RALGPS1: variants seen among roughly 807,000 people sequenced by gnomAD.
The protein encoded by RALGPS1 is Ral GEF with PH domain and SH3 binding motif 1.
RALGPS1 carries 19 observed loss-of-function variants against 78.8 expected under a neutral mutation model. The ratio of observed to expected loss-of-function variants is 0.24; its 90% CI spans 0.17 to 0.35. The LOEUF (loss-of-function observed/expected upper bound fraction) is 0.35, where lower values mean the gene tolerates loss of function less well. Among genes scored for constraint, RALGPS1 ranks in the 10% least tolerant of loss-of-function variants. RALGPS1 has a pLI of 1.00. For missense variants in RALGPS1, 454 were observed against 688.3 expected (o/e 0.66, Z 3.81); for synonymous variants, 228 against 256.3 (o/e 0.89, Z 1.06).
chr9:126,942,664 T>G (rs956128470), intron 1 of RALGPS1, among the ~76,000 whole-genome samples: 1 of 152,202 alleles, frequency 6.6e-6, no homozygotes, highest in Non-Finnish European at 1.5e-5. Context: ...GAAAATGTCT[T>G]AGCTGTTTTT....
chr9:127,188,327 T>A (rs1270052519), intron 11 of RALGPS1, among the ~76,000 whole-genome samples: 3 of 152,272 alleles, frequency 2.0e-5, no homozygotes, highest in Admixed American at 1.3e-4. Context: ...AAGAAGCTGA[T>A]GACCACATGG....
chr9:126,931,689 TTAGA>T (rs1410211407), intron 1 of RALGPS1, among the ~76,000 whole-genome samples: 2 of 152,156 alleles, frequency 1.3e-5, no homozygotes, highest in South Asian at 2.1e-4. Context: ...TGTTCTGGAA[TTAGA>T]TAGTGGCAGT....
chr9:127,147,290 G>A (rs2058147913), intron 8 of RALGPS1, among the ~76,000 whole-genome samples: 1 of 152,150 alleles, frequency 6.6e-6, no homozygotes, highest in African/African-American at 2.4e-5. Context: ...TTTGTCAGAT[G>A]CATAATTTGT....
chr9:126,968,874 C>G (rs1383504933), intron 3 of RALGPS1, among the ~76,000 whole-genome samples: 3 of 152,104 alleles, frequency 2.0e-5, no homozygotes, highest in Admixed American at 2.0e-4. Context: ...CATAGAGAAA[C>G]CAGGTCTCTA....
chr9:127,150,385 C>T (rs2058349052), intron 8 of RALGPS1, among the ~76,000 whole-genome samples: 1 of 152,204 alleles, frequency 6.6e-6, no homozygotes, highest in Non-Finnish European at 1.5e-5. Flanking sequence ...GACCAGTACC[C>T]ATTGCAGCCT....
In RALGPS1 at chr9:127,125,842, G is replaced by A. The variant is rs544360197; in HGVS notation, c.611-40227G>A. On this transcript the variant is annotated intron_variant, in intron 8 of 18. Coordinates refer to ENST00000259351, the MANE Select transcript of RALGPS1 (RefSeq NM_014636.3). The stretch of plus-strand genomic sequence containing the variant: ...TTTTTAAAATTTTATCAGTAAATGC[G>A]TGACATTTACATGGTGGTAGAATAC... Among the ~76,000 whole-genome samples, 123 of 152,196 alleles carry A rather than the reference G, an allele frequency of 8.1e-4. 1 individual carries two copies. Among genetic ancestry groups the A allele is most frequent in the African/African-American group, 2.7e-3 (114 of 41,514 alleles).
chr9:126,956,673 A>G (rs1392631061), intron 1 of RALGPS1, among the ~76,000 whole-genome samples: 1 of 152,156 alleles, frequency 6.6e-6, no homozygotes, highest in Non-Finnish European at 1.5e-5. Flanking sequence ...CCTGGAACCC[A>G]CTGCTGATGA....
intron 3 of RALGPS1, among the ~76,000 whole-genome samples, chr9:126,969,396 T>C (rs2039872569): frequency 6.6e-6 from 1 of 152,184 alleles, no homozygotes; most frequent in Non-Finnish European, 1.5e-5. Context: ...CTTGTGCCAC[T>C]GTACCTGGCT....
chr9:127,218,727 C>T lies in RALGPS1; in HGVS notation c.1645-13C>T, dbSNP rs766574464. Reference sequence around the variant, plus strand: ...GTCGGAACTTTAACAAGAGGCTGAGCTTTCTCTTCTAGGTACCTGCAAACC... The same window carrying T: ...GTCGGAACTTTAACAAGAGGCTGAGTTTTCTCTTCTAGGTACCTGCAAACC... On this transcript the variant is annotated splice_polypyrimidine_tract_variant and intron_variant, in intron 18 of 18. Transcript: ENST00000259351. The surrounding 1 kb of genome is among the most constrained non-coding windows in gnomAD (Gnocchi z 4.4). 6.8e-6 allele frequency: 11 copies of T among 1,613,734 alleles called. No homozygotes were observed. In the East Asian group the frequency reaches 2.5e-4, roughly 36 times the overall value.
intron 3 of RALGPS1, among the ~76,000 whole-genome samples, chr9:126,968,451 T>C (rs2039757984): frequency 1.3e-5 from 2 of 152,238 alleles, no homozygotes; most frequent in South Asian, 4.1e-4. Context: ...ATCTCCTAAT[T>C]ACCCATGTAA....
intron 8 of RALGPS1, among the ~76,000 whole-genome samples, chr9:127,127,453 G>C (rs2056701774): frequency 6.6e-6 from 1 of 152,186 alleles, no homozygotes; most frequent in Admixed American, 6.5e-5. Context: ...CCGTTCTGCT[G>C]TTGGTGCTCT....
At chr9:126,942,515 A>G (rs1458283878) in intron 1 of RALGPS1, among the ~76,000 whole-genome samples, 2 of 152,202 alleles carry the variant, frequency 1.3e-5, no homozygotes, top group African/African-American at 4.8e-5. Context: ...TCTTGGTTAT[A>G]TGCTACTCCT....
chr9:126,969,151 T>C (rs2039845704), intron 3 of RALGPS1, among the ~76,000 whole-genome samples: 2 of 152,242 alleles, frequency 1.3e-5, no homozygotes, highest in Non-Finnish European at 2.9e-5. Context: ...TAAAATATTA[T>C]CATTTTAAAA....
intron 4 of RALGPS1, among the ~76,000 whole-genome samples, chr9:127,017,126 A>G (rs1462787980): frequency 3.3e-5 from 5 of 152,240 alleles, no homozygotes; most frequent in African/African-American, 9.6e-5. Flanking sequence ...TTGGATATAC[A>G]GTCATATGTC....
chr9:127,093,805 G>T, intron 8 of RALGPS1: 1 of 1,613,994 alleles, frequency 6.2e-7, no homozygotes, highest in South Asian at 1.1e-5. Context: ...TCCAGCCCCC[G>T]GGGTCGTGTC....
chr9:127,028,745 G>A (rs970677185), intron 4 of RALGPS1, among the ~76,000 whole-genome samples: 2 of 152,066 alleles, frequency 1.3e-5, no homozygotes, highest in Admixed American at 1.3e-4. Context: ...GCAAATATCG[G>A]CCCATTCAAT....
At position 127,212,994 on chromosome 9, in the gene RALGPS1, G is replaced by C; in HGVS notation, c.1497G>C (p.Gln499His). The C allele has an allele frequency of 6.2e-7, 1 of 1,614,202 alleles. No individual in the cohort carries two copies. Among genetic ancestry groups the C allele is most frequent in the Non-Finnish European group, 8.5e-7 (1 of 1,180,026 alleles). ...KKVSIVGWMV[Q>H]LPDDPEHPDI... ...TTTCCATCGTGGGCTGGATGGTGCA[G>C]CTGCCCGATGACCCCGAGCACCCAG... The change falls in exon 17 of 19, where the codon CAG (glutamine) becomes CAC (histidine). Residue 499 changes from glutamine to histidine, a missense_variant. Coordinates refer to ENST00000259351, the MANE Select transcript of RALGPS1 (RefSeq NM_014636.3). The surrounding 1 kb of genome is among the most constrained non-coding windows in gnomAD (Gnocchi z 6.0).
At chr9:127,000,940 T>A (rs1322672708) in intron 4 of RALGPS1, among the ~76,000 whole-genome samples, 1 of 151,758 alleles carries the variant, frequency 6.6e-6, no homozygotes, top group African/African-American at 2.4e-5. Flanking sequence ...TGGCTAAGAA[T>A]ATGGTCAATC....
chr9:127,027,485 A>G lies in RALGPS1; in HGVS notation c.217-6946A>G, dbSNP rs187798410. Among the ~76,000 whole-genome samples the G allele has an allele frequency of 9.2e-5, 14 of 152,304 alleles. No individual in the cohort carries two copies. The East Asian group carries it at 2.7e-3, about 29-fold the overall frequency. ...TCATTAAGAGTTATAGAAAAAGATGATATTTGATTGTGTTTACAGTGAAAT... is the reference window on the plus strand; with the variant it reads ...TCATTAAGAGTTATAGAAAAAGATGGTATTTGATTGTGTTTACAGTGAAAT... On this transcript the variant is annotated intron_variant, in intron 4 of 18. Coordinates refer to ENST00000259351, the MANE Select transcript of RALGPS1 (RefSeq NM_014636.3).
Sources: gnomAD v4.1 joint callset for allele counts (sites outside exome capture counted in the v4.1 genomes callset) on GRCh38, gnomAD v4.1.1 for gene constraint, Gnocchi (gnomAD v3.1) non-coding constraint, MANE v1.5 for transcripts, NCBI Gene and HGNC (gene_info 2026-07-23, HGNC 2026-07-21) for gene names.